Variants in PPP1R10 observed in about 807,000 individuals in gnomAD.
The protein encoded by PPP1R10 is protein phosphatase 1 regulatory subunit 10.
Under a neutral mutation model 99.0 loss-of-function variants are expected in PPP1R10, and 15 were observed. The observed-to-expected ratio is 0.15, with a 90% CI of 0.10 to 0.23. The LOEUF is 0.23. PPP1R10 is among the 10% of genes least tolerant of loss of function. PPP1R10 has a pLI of 1.00. For missense variants in PPP1R10, 947 were observed against 1,259.4 expected, an observed-to-expected ratio of 0.75 and a Z score of 3.75; for synonymous variants, 430 against 449.5, an observed-to-expected ratio of 0.96 and a Z score of 0.55.
At position 30,602,731 on chromosome 6, in the gene PPP1R10, G is replaced by A; in HGVS notation, c.1958-40C>T. The A allele has an allele frequency of 6.3e-7, 1 of 1,591,624 alleles. No homozygotes were observed. Among genetic ancestry groups the A allele is most frequent in the Non-Finnish European group, 8.6e-7 (1 of 1,169,362 alleles). On this transcript the variant is annotated intron_variant, in intron 18 of 19. Transcript: ENST00000376511. The surrounding 1 kb of genome is among the most constrained non-coding windows in gnomAD (Gnocchi z 6.7). ...AAAAGAGAGACAGTATCAGCTACCA[G>A]GAACTGCCATCTCCCAACCTAAACC...
intron 5 of PPP1R10, 135 bp from the exon 6 acceptor site, chr6:30,608,026 T>C: frequency 2.2e-6 from 2 of 894,454 alleles, no homozygotes; most frequent in East Asian, 2.6e-5. Flanking sequence ...TCTCACTCTG[T>C]TGCCCAGGCT....
chr6:30,600,670 T>C lies in PPP1R10; in HGVS notation c.*879A>G, dbSNP rs1432420723. Reference sequence around the variant, plus strand: ...CAGGGTGAAGTACCTGGAAGCCTCCTTCACGCTGGCAAGGTTCCAGGTGGG... The same window carrying C: ...CAGGGTGAAGTACCTGGAAGCCTCCCTCACGCTGGCAAGGTTCCAGGTGGG... On this transcript the variant is annotated 3_prime_UTR_variant, in exon 20 of 20. Coordinates refer to ENST00000376511, the MANE Select transcript of PPP1R10 (RefSeq NM_002714.4). 6.6e-6 allele frequency: 1 copy of C among 152,546 alleles called. No homozygotes were observed. Among genetic ancestry groups the C allele is most frequent in the Non-Finnish European group, 1.5e-5 (1 of 68,022 alleles). The allele number at this position is 152,546 out of a possible 1,614,324, so 9.4% of individuals were successfully genotyped here.
In PPP1R10 at chr6:30,616,622, A is replaced by G. The variant is rs1760585766; in HGVS notation, c.-156T>C. On this transcript the variant is annotated 5_prime_UTR_variant, in exon 2 of 20. Transcript: ENST00000376511. ...TGGATCAAAAAGTCTTTTAAAAAAT[A>G]AAGGCCAACTCAGTATTCATTTCCC... The G allele has an allele frequency of 1.3e-5, 2 of 152,224 alleles. No homozygotes were observed. Among genetic ancestry groups the G allele is most frequent in the Non-Finnish European group, 2.9e-5 (2 of 68,046 alleles). The allele number at this position is 152,224 out of a possible 1,614,324, so 9.4% of individuals were successfully genotyped here. A position where few individuals can be genotyped will look rare whatever the true frequency, so the allele number is the denominator to read the frequency against.
intron 2 of PPP1R10, among the ~76,000 whole-genome samples, chr6:30,611,511 C>T (rs983774701): frequency 2.0e-5 from 3 of 152,072 alleles, no homozygotes; most frequent in African/African-American, 4.8e-5. Flanking sequence ...AGTTTTGTGC[C>T]GGAAAAAACA....
chr6:30,603,500 T>G lies in PPP1R10; in HGVS notation c.1739A>C (p.Asn580Thr). 1 of 1,612,520 alleles carries G rather than the reference T, an allele frequency of 6.2e-7. No individual in the cohort carries two copies. Among genetic ancestry groups the G allele is most frequent in the Non-Finnish European group, 8.5e-7 (1 of 1,179,358 alleles). ...GATGGAGGTGAGGATCTCTTGGACA[T>G]TAATGCCTCCTCCTCCAGGGCCTTG... Reference protein sequence around the residue: ...GPQGPGGGGINVQEILTSIMG... With the variant: ...GPQGPGGGGITVQEILTSIMG... Residue 580 changes from asparagine (N) to threonine (T), a missense_variant, in exon 16 of 20, where the codon AAT (asparagine) becomes ACT (threonine). By Grantham distance (65) the Asn-to-Thr change is moderately conservative. Around this residue, in one of 10 missense-constraint regions of PPP1R10, gnomAD observed 525 missense variants for 578.8 expected, o/e 0.91. Coordinates refer to ENST00000376511, the MANE Select transcript of PPP1R10 (RefSeq NM_002714.4).
At chr6:30,605,867 A>C in intron 10 of PPP1R10, 56 bp downstream of exon 10, 6 of 1,522,984 alleles carry the variant, frequency 3.9e-6, no homozygotes, top group Non-Finnish European at 4.5e-6. Flanking sequence ...CTCCAAAAAA[A>C]AAAAAAAAAA....
In PPP1R10 at chr6:30,603,783, A is replaced by T. The variant is rs1275347946; in HGVS notation, c.1569T>A (p.Asp523Glu). ...EPIPPKLIPL[D>E]EECSMDETPY... ...TCATCACAGAACATTGACTTACCTC[A>T]TCTAGGGGGATGAGTTTAGGGGGTA... Residue 523 changes from aspartate (D) to glutamate (E), a missense_variant, in exon 15 of 20, where the codon GAT becomes GAA. Asp to Glu is a conservative substitution (Grantham distance 45, BLOSUM62 2). Around this residue, in one of 10 missense-constraint regions of PPP1R10, gnomAD observed 525 missense variants for 578.8 expected, o/e 0.91. Transcript: ENST00000376511. 6.5e-7 allele frequency: 1 copy of T among 1,539,932 alleles called. No homozygotes were observed. Among genetic ancestry groups the T allele is most frequent in the East Asian group, 2.3e-5 (1 of 44,278 alleles).
chr6:30,604,670 T>C lies in PPP1R10; in HGVS notation c.1020A>G (p.Pro340=). Residue 340 remains proline (P), a synonymous_variant, in exon 12 of 20, where the codon CCA becomes CCG. Transcript: ENST00000376511. This position sits in a 1 kb window ranked among gnomAD's most constrained non-coding sequence, Gnocchi z 7.3. The part of the protein sequence containing the change: ...PSTAKPSSPE[P]APPSEAMDAD... Reference sequence around the variant, plus strand: ...CGTCCATTGCCTCAGAAGGTGGTGCTGGTTCTGGGGAAGAAGGTTTGGCTG... The same window carrying C: ...CGTCCATTGCCTCAGAAGGTGGTGCCGGTTCTGGGGAAGAAGGTTTGGCTG... The C allele has an allele frequency of 1.9e-6, 3 of 1,613,148 alleles. No individual in the cohort carries two copies. The highest frequency in any genetic ancestry group is 2.5e-6 in the Non-Finnish European group (3 of 1,180,038).
Position 30,602,499 on chromosome 6 carries a change from G to A in PPP1R10, c.2150C>T (p.Pro717Leu). The A allele has an allele frequency of 1.9e-6, 3 of 1,576,150 alleles. No homozygotes were observed. The highest frequency in any genetic ancestry group is 2.6e-6 in the Non-Finnish European group (3 of 1,159,014). Residue 717 changes from proline to leucine, a missense_variant, in exon 19 of 20, where the codon CCT becomes CTT. Pro to Leu is a moderately conservative substitution (Grantham distance 98). Coordinates refer to ENST00000376511, the MANE Select transcript of PPP1R10 (RefSeq NM_002714.4). The surrounding 1 kb of genome is among the most constrained non-coding windows in gnomAD (Gnocchi z 6.7). ...RGGRGGNEPPPPPPPFRGARG... is the reference protein window; with the variant it reads ...RGGRGGNEPPLPPPPFRGARG... ...GGCGCCTCGGAATGGAGGAGGAGGA[G>A]GAGGAGGTTCGTTTCCTCCTCGGCC...
rs370270748 is a variant in PPP1R10 at position 30,604,174 on chromosome 6, G to A, written c.1342C>T (p.Arg448Trp). The change falls in exon 14 of 20, where the codon CGG becomes TGG. Residue 448 changes from arginine (R) to tryptophan (W), a missense_variant. Physicochemically the swap from Arg to Trp is moderately radical, Grantham distance 101. This residue lies in a region of PPP1R10 where 50 missense variants were observed against 78.6 expected (regional missense o/e 0.64). Transcript: ENST00000376511. This position sits in a 1 kb window ranked among gnomAD's most constrained non-coding sequence, Gnocchi z 7.3. ...TCCATGTTATCATGGCTCAGACGCC[G>A]CGCTGTCTCAAATGCATGTCGGTCT... ...LSDRHAFETARRLSHDNMEEK... is the reference protein window; with the variant it reads ...LSDRHAFETAWRLSHDNMEEK... The A allele has an allele frequency of 6.2e-6, 10 of 1,614,012 alleles. No homozygotes were observed. The highest frequency in any genetic ancestry group is 7.6e-6 in the Non-Finnish European group (9 of 1,180,038).
Position 30,604,899 on chromosome 6 carries a change from T to C in PPP1R10, c.954+95A>G. The C allele has an allele frequency of 2.0e-6, 3 of 1,515,650 alleles. No individual in the cohort carries two copies. Among genetic ancestry groups the C allele is most frequent in the Non-Finnish European group, 2.7e-6 (3 of 1,092,820 alleles). 93.9% of individuals were successfully genotyped at this position (1,515,650 alleles called of 1,614,324 possible). On this transcript the variant is annotated intron_variant, in intron 11 of 19. Transcript: ENST00000376511. The surrounding 1 kb of genome is among the most constrained non-coding windows in gnomAD (Gnocchi z 7.3). Reference sequence around the variant, plus strand: ...GTCTATATCCAAGGCAAAACGCCTCTTGTTGTCCTCCCCGACAACTCCTAG... The same window carrying C: ...GTCTATATCCAAGGCAAAACGCCTCCTGTTGTCCTCCCCGACAACTCCTAG...
intron 16 of PPP1R10, 60 bp downstream of exon 16, chr6:30,603,412 G>A: frequency 1.3e-6 from 2 of 1,590,880 alleles, no homozygotes; most frequent in Non-Finnish European, 1.7e-6. Context: ...GGGAGACAGT[G>A]AGGAGAGCGA....
At position 30,609,989 on chromosome 6, in the gene PPP1R10, GAATA is replaced by G; in HGVS notation, c.-11-38_-11-35del. 1.4e-6 allele frequency: 2 copies of G among 1,460,234 alleles called. No individual in the cohort carries two copies. Among genetic ancestry groups the G allele is most frequent in the South Asian group, 1.1e-5 (1 of 87,730 alleles). The allele number at this position is 1,460,234 out of a possible 1,614,324, so 90.5% of individuals were successfully genotyped here. A position where few individuals can be genotyped will look rare whatever the true frequency, so the allele number is the denominator to read the frequency against. ...AGAGGACAAAACAAACAAACCCACAGAATAAATGGGTGGCAAGGACTACCCGAGT... is the reference window on the plus strand; with the variant it reads ...AGAGGACAAAACAAACAAACCCACAGAATGGGTGGCAAGGACTACCCGAGT... On this transcript the variant is annotated intron_variant, in intron 2 of 19. Transcript: ENST00000376511. The surrounding 1 kb of genome is among the most constrained non-coding windows in gnomAD (Gnocchi z 4.5).
chr6:30,603,995 C>T lies in PPP1R10; in HGVS notation c.1508+13G>A, dbSNP rs775323228. 1.1e-5 allele frequency: 18 copies of T among 1,572,492 alleles called. No individual in the cohort carries two copies. The African/African-American group carries it at 1.8e-4, about 15-fold the overall frequency. On this transcript the variant is annotated intron_variant, in intron 14 of 19. Transcript: ENST00000376511. Reference sequence around the variant, plus strand: ...CACTCAACATCCCAGGGCACGAACCCCACTCTGCTCACCTCTCCTTGTTCA... The same window carrying T: ...CACTCAACATCCCAGGGCACGAACCTCACTCTGCTCACCTCTCCTTGTTCA...
intron 6 of PPP1R10, among the ~76,000 whole-genome samples, chr6:30,607,313 G>C (rs915932901): frequency 2.6e-5 from 4 of 152,144 alleles, no homozygotes; most frequent in African/African-American, 7.2e-5. Context: ...ACACCTAATT[G>C]TTACAACAAT....
chr6:30,605,351 G>C (rs1191904426), intron 10 of PPP1R10, among the ~76,000 whole-genome samples: 2 of 152,144 alleles, frequency 1.3e-5, no homozygotes, highest in Non-Finnish European at 2.9e-5. Context: ...GTGAGCCCTT[G>C]TGAACATGAC....
At chr6:30,603,885 C>G (rs1391530818) in intron 14 of PPP1R10, 42 bp from the exon 15 acceptor site, 1 of 1,522,866 alleles carries the variant, frequency 6.6e-7, no homozygotes, top group Non-Finnish European at 8.8e-7. Flanking sequence ...GAATGATAGT[C>G]AAGTTATTAA....
At chr6:30,601,814 G>A (rs1032329266) in intron 19 of PPP1R10, 122 bp downstream of exon 19, 5 of 1,328,712 alleles carry the variant, frequency 3.8e-6, no homozygotes, top group Non-Finnish European at 4.0e-6. Context: ...TGCATACTAG[G>A]ACATCAAAGA....
Position 30,604,656 on chromosome 6 carries a change from T to C in PPP1R10, c.1034A>G (p.Glu345Gly). The C allele has an allele frequency of 1.2e-6, 2 of 1,613,120 alleles. No homozygotes were observed. The highest frequency in any genetic ancestry group is 1.7e-6 in the Non-Finnish European group (2 of 1,180,038). Reference sequence around the variant, plus strand: ...GCCTGGACGGTCTGCGTCCATTGCCTCAGAAGGTGGTGCTGGTTCTGGGGA... The same window carrying C: ...GCCTGGACGGTCTGCGTCCATTGCCCCAGAAGGTGGTGCTGGTTCTGGGGA... ...PSSPEPAPPS[E>G]AMDADRPGTP... Residue 345 changes from glutamate to glycine, a missense_variant, in exon 12 of 20, where the codon GAG becomes GGG. Physicochemically the swap from Glu to Gly is moderately conservative, Grantham distance 98. This residue lies in a region of PPP1R10 where 100 missense variants were observed against 105.8 expected (regional missense o/e 0.94). Coordinates refer to ENST00000376511, the MANE Select transcript of PPP1R10 (RefSeq NM_002714.4). The surrounding 1 kb of genome is among the most constrained non-coding windows in gnomAD (Gnocchi z 7.3).
Sources: gnomAD v4.1 joint callset for allele counts (sites outside exome capture counted in the v4.1 genomes callset) on GRCh38, gnomAD v4.1.1 for gene constraint, gnomAD v4.1.1 regional missense constraint, Gnocchi (gnomAD v3.1) non-coding constraint, MANE v1.5 for transcripts, NCBI Gene and HGNC (gene_info 2026-07-23, HGNC 2026-07-21) for gene names.